The following AKAP17A variants were observed in gnomAD, a reference collection of about 807,000 sequenced individuals.
AKAP17A encodes the protein A-kinase anchor protein 17A.
Under a neutral mutation model 52.2 loss-of-function variants are expected in AKAP17A, and 15 were observed. The observed-to-expected ratio is 0.29, with a 90% CI of 0.19 to 0.44. The LOEUF (loss-of-function observed/expected upper bound fraction) is 0.44, where lower values mean the gene tolerates loss of function less well. Ranked by LOEUF, AKAP17A falls within the 20% of genes least tolerant of loss-of-function variation. The probability of loss-of-function intolerance (pLI) is 1.00; values close to 1 mark genes in which losing one functional copy is unlikely to be tolerated. For synonymous variants in AKAP17A, 514 were observed against 424.7 expected (o/e 1.21, Z -2.58); for missense variants, 1,060 against 1,007.0 (o/e 1.05, Z -0.71).
Position 1,601,621 on chromosome X carries a change from G to C in AKAP17A, c.*27G>C. 1.4e-6 allele frequency: 2 copies of C among 1,399,636 alleles called. No individual in the cohort carries two copies. Among genetic ancestry groups the C allele is most frequent in the Non-Finnish European group, 1.8e-6 (2 of 1,084,094 alleles). The allele number at this position is 1,399,636 out of a possible 1,614,324, so 86.7% of individuals were successfully genotyped here. A position where few individuals can be genotyped will look rare whatever the true frequency, so the allele number is the denominator to read the frequency against. ...GACGGGCACGGCCTCCCCACGGCCTGTCCGGGAAAGACCAGGACCTGCTCG... is the reference window on the plus strand; with the variant it reads ...GACGGGCACGGCCTCCCCACGGCCTCTCCGGGAAAGACCAGGACCTGCTCG... On this transcript the variant is annotated 3_prime_UTR_variant, in exon 5 of 5. Transcript: ENST00000313871.
chrX:1,596,528 C>T, intron 3 of AKAP17A, among the ~76,000 whole-genome samples: 1 of 128,282 alleles, frequency 7.8e-6, no homozygotes, highest in Admixed American at 7.6e-5. Context: ...AGGCGGAATC[C>T]TCCTCTTCCT....
At chrX:1,600,247 G>A (rs1289009805) in intron 4 of AKAP17A, 19 of 1,275,320 alleles carry the variant, frequency 1.5e-5, no homozygotes, top group East Asian at 9.4e-5. Flanking sequence ...GGCCAGGCTC[G>A]CCCCGCAGCT....
rs142810683 is a variant in AKAP17A at position 1,598,669 on chromosome X, G to C, written c.912-523G>C. Among the ~76,000 whole-genome samples the C allele has an allele frequency of 8.2e-3, 1,248 of 152,296 alleles. 16 individuals carry two copies. Among genetic ancestry groups the C allele is most frequent in the Middle Eastern group, 0.031 (9 of 294 alleles). On this transcript the variant is annotated intron_variant, in intron 3 of 4. Coordinates refer to ENST00000313871, the MANE Select transcript of AKAP17A (RefSeq NM_005088.3). ...CTGGACACCCCTCTCCACAGGAAAA[G>C]TGCAAGGAGCTGAGTGGCGTGGCTG...
Position 1,601,457 on chromosome X carries a change from A to T in AKAP17A, c.1951A>T (p.Ser651Cys). ...CCACACCCGGTCCCGGAGGTCCCAC[A>T]GCAAAGACAGGCACCGGAGGGAGCG... The part of the protein sequence containing the change: ...PDHTRSRRSH[S>C]KDRHRRERSR... Residue 651 changes from serine (S) to cysteine (C), a missense_variant, in exon 5 of 5, where the codon AGC (serine) becomes TGC (cysteine). By Grantham distance (112) the Ser-to-Cys change is moderately radical. Around this residue, in one of 2 missense-constraint regions of AKAP17A, gnomAD observed 793 missense variants for 629.9 expected, o/e 1.26. Coordinates refer to ENST00000313871, the MANE Select transcript of AKAP17A (RefSeq NM_005088.3). The T allele has an allele frequency of 6.4e-7, 1 of 1,574,050 alleles. No homozygotes were observed. The highest frequency in any genetic ancestry group is 8.6e-7 in the Non-Finnish European group (1 of 1,167,932).
At chrX:1,592,751 C>T (rs1189028406) in intron 1 of AKAP17A, among the ~76,000 whole-genome samples, 1 of 152,100 alleles carries the variant, frequency 6.6e-6, no homozygotes, top group African/African-American at 2.4e-5. Context: ...AGTGGCTGCC[C>T]GTCAGCTCAG....
At chrX:1,598,527 T>C (rs1371940589) in intron 3 of AKAP17A, among the ~76,000 whole-genome samples, 2 of 152,124 alleles carry the variant, frequency 1.3e-5, no homozygotes, top group Non-Finnish European at 2.9e-5. Context: ...CCGGTGTTGG[T>C]TGAAATGCAT....
At chrX:1,592,075 G>T (rs1260688187) in intron 1 of AKAP17A, among the ~76,000 whole-genome samples, 2 of 151,912 alleles carry the variant, frequency 1.3e-5, no homozygotes, top group Non-Finnish European at 2.9e-5. Context: ...GGAGGGCTGG[G>T]AGCTCGGGGG....
At chrX:1,595,336 TG>T (rs761933712) in intron 2 of AKAP17A, 47 bp from the exon 3 acceptor site, 26 of 1,611,038 alleles carry the variant, frequency 1.6e-5, no homozygotes, top group Non-Finnish European at 2.0e-5. Flanking sequence ...GCCGTGTGTC[TG>T]GGGGGTTTTG....
chrX:1,596,421 C>T (rs1378489878), intron 3 of AKAP17A, among the ~76,000 whole-genome samples: 12 of 151,054 alleles, frequency 7.9e-5, no homozygotes, highest in Non-Finnish European at 1.2e-4. Context: ...TCCCCTGAGG[C>T]GGAATCCTCC....
At chrX:1,595,805 C>A (rs1932948718) in intron 3 of AKAP17A, among the ~76,000 whole-genome samples, 1 of 151,624 alleles carries the variant, frequency 6.6e-6, no homozygotes. Context: ...GTGTGTGTAC[C>A]TGTGTGTGTA....
rs1185474382 is a variant in AKAP17A at position 1,593,505 on chromosome X, G to T, written c.43G>T (p.Glu15Ter). 6.2e-7 allele frequency: 1 copy of T among 1,613,762 alleles called. No homozygotes were observed. Among genetic ancestry groups the T allele is most frequent in the Non-Finnish European group, 8.5e-7 (1 of 1,179,862 alleles). Reference sequence around the variant, plus strand: ...CGTGCACGACACGTCTGAGGCCGTGGAGCTCTGCCCTGCTTACGGCTTGTA... The same window carrying T: ...CGTGCACGACACGTCTGAGGCCGTGTAGCTCTGCCCTGCTTACGGCTTGTA... ...TIVHDTSEAV[E>*]LCPAYGLYLK... Residue 15 changes from glutamate (E) to a stop codon, truncating the protein, a stop_gained, in exon 2 of 5, where the codon GAG (glutamate) becomes TAG (stop). Transcript: ENST00000313871. LOFTEE classifies it high-confidence loss of function.
rs756758901 is a variant in AKAP17A, at chrX:1,601,260, A to AGGGCCG, written c.1763_1768dup (p.Gly588_Arg589dup). 1.9e-6 allele frequency: 3 copies of AGGGCCG among 1,613,416 alleles called. No individual in the cohort carries two copies. Among genetic ancestry groups the AGGGCCG allele is most frequent in the East Asian group, 2.2e-5 (1 of 44,862 alleles). ...GACAAGTGCAACCGGGAGCCCAGCA[A>AGGGCCG]GGGCCGGGGCCGGGCCACCGGAGAC... On this transcript the variant is annotated inframe_insertion, in exon 5 of 5. Transcript: ENST00000313871.
At chrX:1,595,147 G>T (rs1204351434) in intron 2 of AKAP17A, among the ~76,000 whole-genome samples, 1 of 152,244 alleles carries the variant, frequency 6.6e-6, no homozygotes, top group East Asian at 1.9e-4. Flanking sequence ...TCCTCGCTGA[G>T]TCGTAACTCC....
chrX:1,592,045 C>T (rs571548555), intron 1 of AKAP17A, among the ~76,000 whole-genome samples: 1 of 150,962 alleles, frequency 6.6e-6, no homozygotes, highest in East Asian at 2.0e-4. Flanking sequence ...ACCGAAGGAG[C>T]TGAGGCCTGG....
intron 3 of AKAP17A, among the ~76,000 whole-genome samples, chrX:1,598,793 G>C (rs763771437): frequency 2.0e-5 from 3 of 152,322 alleles, no homozygotes; most frequent in South Asian, 2.1e-4. Context: ...GCGGTTCCTG[G>C]TGGGCAGAAC....
At chrX:1,593,026 GCC>G (rs1456850544) in intron 1 of AKAP17A, among the ~76,000 whole-genome samples, 1 of 152,042 alleles carries the variant, frequency 6.6e-6, no homozygotes, top group Non-Finnish European at 1.5e-5. Flanking sequence ...GCTCTCCCTG[GCC>G]CCTTCCCTTC....
chrX:1,600,026 C>A, intron 4 of AKAP17A: 1 of 609,218 alleles, frequency 1.6e-6, no homozygotes, highest in Non-Finnish European at 2.7e-6. Context: ...GGCCCACAGA[C>A]AGACAGACCT....
intron 4 of AKAP17A, chrX:1,600,302 C>G: frequency 1.1e-6 from 1 of 906,924 alleles, no homozygotes; most frequent in South Asian, 1.5e-5. Flanking sequence ...CTCCCTGTTG[C>G]TGGCGGCCGC....
Position 1,601,475 on chromosome X carries a change from A to C in AKAP17A, c.1969A>C (p.Arg657=). The C allele has an allele frequency of 6.4e-7, 1 of 1,569,348 alleles. No homozygotes were observed. The highest frequency in any genetic ancestry group is 8.6e-7 in the Non-Finnish European group (1 of 1,165,786). ...RRSHSKDRHR[R]ERSRERRGSA... ...GTCCCACAGCAAAGACAGGCACCGG[A>C]GGGAGCGGAGCCGGGAGCGGAGGGG... The change falls in exon 5 of 5, where the codon AGG becomes CGG. Residue 657 remains arginine, a synonymous_variant. Coordinates refer to ENST00000313871, the MANE Select transcript of AKAP17A (RefSeq NM_005088.3).
Sources: gnomAD v4.1 joint callset for allele counts (sites outside exome capture counted in the v4.1 genomes callset) on GRCh38, gnomAD v4.1.1 for gene constraint, gnomAD v4.1.1 regional missense constraint, MANE v1.5 for transcripts, NCBI Gene and HGNC (gene_info 2026-07-23, HGNC 2026-07-21) for gene names.